The following MACROD2 variants were observed in gnomAD, a reference collection of about 807,000 sequenced individuals.
The protein encoded by MACROD2 is mono-ADP ribosylhydrolase 2, also known as ADP-ribose glycohydrolase MACROD2.
MACROD2 carries 36 observed loss-of-function variants against 70.4 expected under a neutral mutation model. That is an observed-to-expected ratio of 0.51 (90% CI 0.39 to 0.68). The LOEUF (loss-of-function observed/expected upper bound fraction) is 0.68. MACROD2 is among the 30% of genes least tolerant of loss of function. The probability of loss-of-function intolerance (pLI) is 0.00; values close to 1 mark genes in which losing one functional copy is unlikely to be tolerated. For synonymous variants in MACROD2, 172 were observed against 178.8 expected (o/e 0.96, Z 0.30); for missense variants, 496 against 538.4 (o/e 0.92, Z 0.78).
intron 3 of MACROD2, among the ~76,000 whole-genome samples, chr20:14,206,685 C>A (rs897919513): frequency 6.0e-5 from 9 of 149,004 alleles, no homozygotes; most frequent in Non-Finnish European, 1.3e-4. Flanking sequence ...CAGTTACTTG[C>A]TTGAAGATGT....
intron 8 of MACROD2, among the ~76,000 whole-genome samples, chr20:15,761,341 C>T (rs545633277): frequency 4.6e-5 from 7 of 152,268 alleles, no homozygotes; most frequent in South Asian, 4.1e-4. Context: ...CCTCTGTGCC[C>T]GGCCAAAAGT....
At chr20:14,167,373 A>T (rs2055281921) in intron 3 of MACROD2, among the ~76,000 whole-genome samples, 1 of 152,020 alleles carries the variant, frequency 6.6e-6, no homozygotes, top group Non-Finnish European at 1.5e-5. Flanking sequence ...TATATATAAT[A>T]TCTTTAAATA....
chr20:14,775,971 T>G (rs2123777908), intron 5 of MACROD2, among the ~76,000 whole-genome samples: 1 of 152,154 alleles, frequency 6.6e-6, no homozygotes, highest in South Asian at 2.1e-4. Flanking sequence ...CAGGCAAATC[T>G]TAGTCACAAC....
At chr20:15,298,685 A>G (rs1168777794) in intron 6 of MACROD2, among the ~76,000 whole-genome samples, 1 of 152,198 alleles carries the variant, frequency 6.6e-6, no homozygotes, top group Non-Finnish European at 1.5e-5. Flanking sequence ...GGTCACACCA[A>G]TGGTTGTTGG....
intron 3 of MACROD2, among the ~76,000 whole-genome samples, chr20:14,165,250 A>C (rs887688009): frequency 6.6e-6 from 1 of 152,144 alleles, no homozygotes; most frequent in African/African-American, 2.4e-5. Flanking sequence ...CAGGGCCTGC[A>C]GGGGTCAAGT....
chr20:14,932,799 C>T (rs1325102887), intron 5 of MACROD2, among the ~76,000 whole-genome samples: 5 of 152,090 alleles, frequency 3.3e-5, no homozygotes, highest in African/African-American at 7.2e-5. Context: ...AACTCCTGAC[C>T]TCCTGATCTG....
intron 8 of MACROD2, among the ~76,000 whole-genome samples, chr20:15,835,965 C>T (rs1003085421): frequency 6.6e-6 from 1 of 152,214 alleles, no homozygotes; most frequent in Non-Finnish European, 1.5e-5. Flanking sequence ...CCTCCACAAT[C>T]TGCTCTGTTT....
chr20:15,767,275 A>G (rs1157136419), intron 8 of MACROD2, among the ~76,000 whole-genome samples: 1 of 152,240 alleles, frequency 6.6e-6, no homozygotes, highest in Non-Finnish European at 1.5e-5. Context: ...GATACACCAC[A>G]TTCTAAGAAT....
At chr20:14,273,618 A>G (rs2082219682) in intron 3 of MACROD2, among the ~76,000 whole-genome samples, 1 of 148,514 alleles carries the variant, frequency 6.7e-6, no homozygotes, top group East Asian at 2.0e-4. Flanking sequence ...TTCAAAAGCT[A>G]GCAGAAGGCA....
chr20:15,867,506 G>A (rs2064510117), intron 9 of MACROD2, among the ~76,000 whole-genome samples: 1 of 152,132 alleles, frequency 6.6e-6, no homozygotes, highest in Admixed American at 6.5e-5. Flanking sequence ...TATAGTTACA[G>A]TGCACCATTA....
At chr20:15,209,615 A>C (rs780830494) in intron 5 of MACROD2, among the ~76,000 whole-genome samples, 5 of 152,174 alleles carry the variant, frequency 3.3e-5, no homozygotes, top group African/African-American at 7.2e-5. Flanking sequence ...AAAGGGAGAC[A>C]TATCCAAAAT....
At chr20:16,034,876 G>A (rs182603165) in intron 15 of MACROD2, among the ~76,000 whole-genome samples, 5 of 151,106 alleles carry the variant, frequency 3.3e-5, no homozygotes, top group Admixed American at 2.0e-4. Flanking sequence ...CGTCCTCATA[G>A]CTTAGCTCCC....
At chr20:14,313,818 G>A (rs1601464062) in intron 3 of MACROD2, among the ~76,000 whole-genome samples, 1 of 152,166 alleles carries the variant, frequency 6.6e-6, no homozygotes, top group African/African-American at 2.4e-5. Context: ...TGAATAGACT[G>A]TCTCTCTCAA....
At chr20:15,779,017 G>T (rs2051783934) in intron 8 of MACROD2, among the ~76,000 whole-genome samples, 1 of 152,076 alleles carries the variant, frequency 6.6e-6, no homozygotes, top group Non-Finnish European at 1.5e-5. Context: ...GATTGGAGAG[G>T]AGTGGAAGAA....
intron 5 of MACROD2, among the ~76,000 whole-genome samples, chr20:14,891,471 A>G (rs1384144205): frequency 6.6e-6 from 1 of 152,186 alleles, no homozygotes; most frequent in Admixed American, 6.5e-5. Context: ...TTCCCTAACA[A>G]GATAATAAAT....
At chr20:15,095,058 CCTCTTCTTTTTTTT>C (rs1330648906) in intron 5 of MACROD2, among the ~76,000 whole-genome samples, 37 of 58,022 alleles carry the variant, frequency 6.4e-4, no homozygotes, top group African/African-American at 3.4e-3. Flanking sequence ...ACTGTGGTCT[CCTCTTCTTTTTTTT>C]TTTTTTTTTT....
chr20:15,741,223 C>G (rs2051100426), intron 8 of MACROD2, among the ~76,000 whole-genome samples: 1 of 151,006 alleles, frequency 6.6e-6, no homozygotes, highest in African/African-American at 2.4e-5. Context: ...TCCCAAGTAG[C>G]TGGGACTACA....
chr20:14,028,749 A>G (rs1050836970), intron 2 of MACROD2, among the ~76,000 whole-genome samples: 6 of 151,862 alleles, frequency 4.0e-5, no homozygotes, highest in Non-Finnish European at 8.8e-5. Context: ...CCCTCTGTCA[A>G]CCAGTCCCAG....
chr20:14,234,171 CT>C (rs1430323947), intron 3 of MACROD2, among the ~76,000 whole-genome samples: 2 of 152,056 alleles, frequency 1.3e-5, no homozygotes, highest in African/African-American at 4.8e-5. Context: ...GGACTCTGTA[CT>C]TTATGACCAA....
Sources: gnomAD v4.1 joint callset for allele counts (sites outside exome capture counted in the v4.1 genomes callset) on GRCh38, gnomAD v4.1.1 for gene constraint, MANE v1.5 for transcripts, NCBI Gene and HGNC (gene_info 2026-07-23, HGNC 2026-07-21) for gene names.